Variants in LRRC37A2 observed in about 807,000 individuals in gnomAD.
LRRC37A2 encodes the protein leucine-rich repeat-containing protein 37A2.
In LRRC37A2, 9 loss-of-function variants were observed where a neutral mutation model predicts 68.8. The observed-to-expected ratio is 0.13, with a 90% confidence interval of 0.08 to 0.23. The LOEUF (loss-of-function observed/expected upper bound fraction) is 0.23. Among genes scored for constraint, LRRC37A2 ranks in the 10% least tolerant of loss-of-function variants. The pLI, the probability that LRRC37A2 is intolerant of heterozygous loss-of-function variation, is 1.00. For synonymous variants in LRRC37A2, 63 were observed against 367.6 expected, an observed-to-expected ratio of 0.17 and a Z score of 9.48; for missense variants, 168 against 950.4, an observed-to-expected ratio of 0.18 and a Z score of 10.82.
At chr17:47,029,127 G>A in the LRRC37A2 span, among the ~76,000 whole-genome samples, 2 of 151,958 alleles carry the variant, frequency 1.3e-5, no homozygotes, top group East Asian at 1.9e-4. Flanking sequence ...GCAGTGAGCC[G>A]AGATTGTGCC....
At chr17:46,883,502 C>CAGG in the LRRC37A2 span, among the ~76,000 whole-genome samples, 2 of 151,992 alleles carry the variant, frequency 1.3e-5, no homozygotes, top group Non-Finnish European at 2.9e-5. Flanking sequence ...CCAGGCTGGT[C>CAGG]TTGAACTCCT....
At chr17:46,975,760 G>A in the LRRC37A2 span, among the ~76,000 whole-genome samples, 4 of 152,148 alleles carry the variant, frequency 2.6e-5, no homozygotes, top group Admixed American at 6.5e-5. Context: ...TAGTACACAC[G>A]CGTCTTCACT....
the LRRC37A2 span, among the ~76,000 whole-genome samples, chr17:46,896,390 A>G: frequency 1.5e-4 from 18 of 121,316 alleles, no homozygotes; most frequent in African/African-American, 3.0e-4. Context: ...GAAAGAAAGA[A>G]AGAGAAAGAA....
At chr17:46,836,154 G>A in the LRRC37A2 span, among the ~76,000 whole-genome samples, 1 of 139,500 alleles carries the variant, frequency 7.2e-6, no homozygotes, top group Non-Finnish European at 1.5e-5. Flanking sequence ...TGGTGGTGGC[G>A]GGGCAATTAA....
At chr17:46,906,812 G>C in the LRRC37A2 span, among the ~76,000 whole-genome samples, 4 of 152,004 alleles carry the variant, frequency 2.6e-5, no homozygotes, top group African/African-American at 9.7e-5. Flanking sequence ...CTGCAGAGTT[G>C]AAGCTTTTAC....
At chr17:46,896,438 GAAAGAAAGAAAGAA>G in the LRRC37A2 span, among the ~76,000 whole-genome samples, 1,957 of 102,714 alleles carry the variant, frequency 0.019, 60 homozygotes, top group African/African-American at 0.095. Flanking sequence ...AAGAAAGAAA[GAAAGAAAGAAAGAA>G]AAAGAAAGAA....
chr17:46,818,869 A>C, the LRRC37A2 span: 2 of 527,176 alleles, frequency 3.8e-6, no homozygotes, highest in Non-Finnish European at 3.4e-6. Flanking sequence ...CCCGGCCCAC[A>C]ACTCGGGCTC....
At chr17:46,978,439 A>T in the LRRC37A2 span, 1 of 552,334 alleles carries the variant, frequency 1.8e-6, no homozygotes, top group Admixed American at 4.0e-5. Context: ...CCCACCCCGC[A>T]ACGCTGCAGC....
the LRRC37A2 span, among the ~76,000 whole-genome samples, chr17:46,861,880 T>C: frequency 6.6e-6 from 1 of 152,172 alleles, no homozygotes; most frequent in South Asian, 2.1e-4. Flanking sequence ...TTTAGAAAAG[T>C]AGGCCGGGTG....
At chr17:46,954,929 G>A in the LRRC37A2 span, among the ~76,000 whole-genome samples, 1 of 152,158 alleles carries the variant, frequency 6.6e-6, no homozygotes, top group African/African-American at 2.4e-5. Flanking sequence ...CTGAGACAGT[G>A]GGGTTTTCTA....
the LRRC37A2 span, among the ~76,000 whole-genome samples, chr17:46,838,142 T>G: frequency 3.9e-5 from 6 of 152,134 alleles, no homozygotes; most frequent in African/African-American, 1.4e-4. Context: ...AGCAAAAGCC[T>G]TCTCTGTGTC....
the LRRC37A2 span, among the ~76,000 whole-genome samples, chr17:46,720,371 T>A: frequency 6.6e-6 from 1 of 152,150 alleles, no homozygotes; most frequent in South Asian, 2.1e-4. Context: ...ACCTTGTGAC[T>A]TTTTATATTA....
At chr17:46,466,957 G>C in the LRRC37A2 span, among the ~76,000 whole-genome samples, 2 of 97,890 alleles carry the variant, frequency 2.0e-5, no homozygotes, top group African/African-American at 8.4e-5. Flanking sequence ...CAAGCAATGG[G>C]GAAAGGATTC....
At chr17:46,804,915 G>GCCCACCCCC in the LRRC37A2 span, among the ~76,000 whole-genome samples, 1 of 65,570 alleles carries the variant, frequency 1.5e-5, no homozygotes, top group Non-Finnish European at 3.2e-5. Context: ...CTGCCTCCCC[G>GCCCACCCCC]CCCACCCCCC....
the LRRC37A2 span, among the ~76,000 whole-genome samples, chr17:47,024,206 T>C: frequency 5.9e-5 from 9 of 152,348 alleles, no homozygotes; most frequent in Admixed American, 1.3e-4. Context: ...AAATTAAATA[T>C]AAACAACATT....
chr17:46,496,386 C>G, the LRRC37A2 span, among the ~76,000 whole-genome samples: 1 of 148,936 alleles, frequency 6.7e-6, no homozygotes, highest in Non-Finnish European at 1.5e-5. Context: ...GGTGGATCAC[C>G]TGAGGTCAGG....
the LRRC37A2 span, among the ~76,000 whole-genome samples, chr17:46,495,544 C>T: frequency 3.4e-5 from 5 of 147,490 alleles, 1 homozygote; most frequent in African/African-American, 1.3e-4. Flanking sequence ...ACCACCACGC[C>T]CAGCTAATTT....
the LRRC37A2 span, among the ~76,000 whole-genome samples, chr17:46,991,218 G>T: frequency 1.3e-5 from 2 of 152,106 alleles, no homozygotes; most frequent in East Asian, 3.8e-4. Flanking sequence ...CCCCTAACTG[G>T]TCTTCTAAAT....
At chr17:46,496,607 G>GAAAAAA in the LRRC37A2 span, among the ~76,000 whole-genome samples, 2 of 44,294 alleles carry the variant, frequency 4.5e-5, no homozygotes, top group Admixed American at 2.3e-4. Flanking sequence ...CATCTCAAAA[G>GAAAAAA]AAAAAAAAAA....
Sources: allele counts gnomAD v4.1 joint callset (sites outside exome capture counted in the v4.1 genomes callset), GRCh38; gene constraint gnomAD v4.1.1; transcripts MANE v1.5; gene names NCBI Gene and HGNC (gene_info 2026-07-23, HGNC 2026-07-21).